Variants in MPV17L2 observed in about 807,000 individuals in gnomAD.
The protein encoded by MPV17L2 is mpv17-like protein 2.
A neutral mutation model predicts 24.2 loss-of-function variants in MPV17L2; 25 were observed. The observed-to-expected ratio is 1.03, with a 90% CI of 0.75 to 1.44. The LOEUF is 1.44. Among genes scored for constraint, MPV17L2 ranks in the 40% most tolerant of loss-of-function variants. The pLI, the probability that MPV17L2 is intolerant of heterozygous loss-of-function variation, is 0.00. For missense variants in MPV17L2, 271 were observed against 276.2 expected, an observed-to-expected ratio of 0.98 and a Z score of 0.13; for synonymous variants, 130 against 121.4, an observed-to-expected ratio of 1.07 and a Z score of -0.46.
Position 18,196,533 on chromosome 19 carries a change from C to G in MPV17L2, c.*478C>G, listed in dbSNP as rs1306405371. On this transcript the variant is annotated 3_prime_UTR_variant, in exon 5 of 5. Transcript: ENST00000599612. ...GCCAGGCAGCCTCTGTGTTTCTTTC[C>G]CTGGTCCTGAACTGTGGAAATGCCA... is the stretch of plus-strand genomic sequence containing the variant. 2 of 928,722 alleles carry G rather than the reference C, an allele frequency of 2.2e-6. No homozygotes were observed. The highest frequency in any genetic ancestry group is 5.3e-5 in the Admixed American group (2 of 37,542). The allele number at this position is 928,722 out of a possible 1,614,324, so 57.5% of individuals were successfully genotyped here.
In MPV17L2 at chr19:18,196,380, A is replaced by G. The variant is rs1227968381; in HGVS notation, c.*325A>G. On this transcript the variant is annotated 3_prime_UTR_variant, in exon 5 of 5. Coordinates refer to ENST00000599612, the MANE Select transcript of MPV17L2 (RefSeq NM_032683.3). Reference sequence around the variant, plus strand: ...CAAGCACCAGCCCCTCAACACTGCCATCCACCTGGCTCTGGGCCAAGCCAC... The same window carrying G: ...CAAGCACCAGCCCCTCAACACTGCCGTCCACCTGGCTCTGGGCCAAGCCAC... The G allele has an allele frequency of 3.0e-6, 4 of 1,334,046 alleles. No individual in the cohort carries two copies. The South Asian group carries it at 4.9e-5, about 16-fold the overall frequency. The allele number at this position is 1,334,046 out of a possible 1,614,324, so 82.6% of individuals were successfully genotyped here.
chr19:18,194,806 G>A lies in MPV17L2; in HGVS notation c.388G>A (p.Gly130Ser), dbSNP rs1967481513. The change falls in exon 3 of 5, where the codon GGT becomes AGT. Residue 130 changes from glycine (G) to serine (S), a missense_variant. Coordinates refer to ENST00000599612, the MANE Select transcript of MPV17L2 (RefSeq NM_032683.3). ...GLGCLEGQTV[G>S]ESCQELREKF... ...TGGCTGCCTGGAGGGTCAGACAGTG[G>A]GTGAGAGCTGCCAGGAGCTGCGGGA... The A allele has an allele frequency of 3.1e-6, 5 of 1,610,756 alleles. No individual in the cohort carries two copies. Among genetic ancestry groups the A allele is most frequent in the South Asian group, 1.1e-5 (1 of 90,504 alleles).
In MPV17L2 at chr19:18,193,482, G is replaced by C. The variant is rs1311625502; in HGVS notation, c.187+14G>C. Reference sequence around the variant, plus strand: ...CACGGCGCTCCGGTGAGGACGCCACGCTGCTTAGTCCTTCACCCCGGGCGA... The same window carrying C: ...CACGGCGCTCCGGTGAGGACGCCACCCTGCTTAGTCCTTCACCCCGGGCGA... On this transcript the variant is annotated intron_variant, in intron 1 of 4. Coordinates refer to ENST00000599612, the MANE Select transcript of MPV17L2 (RefSeq NM_032683.3). The C allele has an allele frequency of 2.7e-6, 4 of 1,498,192 alleles. No homozygotes were observed. The highest frequency in any genetic ancestry group is 2.8e-5 in the African/African-American group (2 of 70,202). 92.8% of individuals were successfully genotyped at this position (1,498,192 alleles called of 1,614,324 possible).
At position 18,196,451 on chromosome 19, in the gene MPV17L2, C is replaced by T. The variant is rs1301294088; in HGVS notation, c.*396C>T. 8.5e-6 allele frequency: 11 copies of T among 1,298,024 alleles called. No homozygotes were observed. The highest frequency in any genetic ancestry group is 1.1e-5 in the Non-Finnish European group (11 of 994,400). The allele number at this position is 1,298,024 out of a possible 1,614,324, so 80.4% of individuals were successfully genotyped here. On this transcript the variant is annotated 3_prime_UTR_variant, in exon 5 of 5. Coordinates refer to ENST00000599612, the MANE Select transcript of MPV17L2 (RefSeq NM_032683.3). ...TCCTGGGACTAAGGCGGGGACATGA[C>T]TGATCCCCTCAGAGCAGGCTCAGGC...
At position 18,196,531 on chromosome 19, in the gene MPV17L2, T is replaced by C. The variant is rs1967522801; in HGVS notation, c.*476T>C. 3 of 936,064 alleles carry C rather than the reference T, an allele frequency of 3.2e-6. No homozygotes were observed. Among genetic ancestry groups the C allele is most frequent in the Non-Finnish European group, 4.4e-6 (3 of 687,056 alleles). 58.0% of individuals were successfully genotyped at this position (936,064 alleles called of 1,614,324 possible). A position where few individuals can be genotyped will look rare whatever the true frequency, so the allele number is the denominator to read the frequency against. ...GGGCCAGGCAGCCTCTGTGTTTCTT[T>C]CCCTGGTCCTGAACTGTGGAAATGC... On this transcript the variant is annotated 3_prime_UTR_variant, in exon 5 of 5. Transcript: ENST00000599612.
At chr19:18,194,455 T>A (rs1967475136) in intron 2 of MPV17L2, among the ~76,000 whole-genome samples, 1 of 152,172 alleles carries the variant, frequency 6.6e-6, no homozygotes, top group Non-Finnish European at 1.5e-5. Context: ...AGTCTCTCAT[T>A]CTCCACCTCC....
chr19:18,195,762 G>C (rs554616253), intron 4 of MPV17L2, among the ~76,000 whole-genome samples: 1 of 151,586 alleles, frequency 6.6e-6, no homozygotes, highest in South Asian at 2.1e-4. Flanking sequence ...GCCTGAACCC[G>C]GGCAGCGAAG....
chr19:18,195,435 C>T (rs1967496508), intron 4 of MPV17L2, among the ~76,000 whole-genome samples: 1 of 152,008 alleles, frequency 6.6e-6, no homozygotes, highest in Admixed American at 6.6e-5. Flanking sequence ...ACTTGAGAGG[C>T]TGAGGCAGGA....
At chr19:18,195,274 C>T (rs1027548465) in intron 4 of MPV17L2, among the ~76,000 whole-genome samples, 188 bp downstream of exon 4, 1 of 152,114 alleles carries the variant, frequency 6.6e-6, no homozygotes, top group Non-Finnish European at 1.5e-5. Context: ...GGCTGAGCGC[C>T]GTGGCTCATG....
intron 2 of MPV17L2, among the ~76,000 whole-genome samples, chr19:18,194,558 C>T (rs1346002078): frequency 6.6e-6 from 1 of 152,260 alleles, no homozygotes; most frequent in East Asian, 1.9e-4. Flanking sequence ...TGTTTATAAC[C>T]TCTCTTTCTC....
At position 18,196,151 on chromosome 19, in the gene MPV17L2, G is replaced by C. The variant is rs761207984; in HGVS notation, c.*96G>C. The C allele has an allele frequency of 1.8e-5, 28 of 1,596,430 alleles. No individual in the cohort carries two copies. Among genetic ancestry groups the C allele is most frequent in the Non-Finnish European group, 2.4e-5 (28 of 1,173,822 alleles). On this transcript the variant is annotated 3_prime_UTR_variant, in exon 5 of 5. Transcript: ENST00000599612. Reference sequence around the variant, plus strand: ...GGCTCCTGCAGCAAGCTCGGGTCTTGAGCCACGTCCCAGCACCACTTCAGC... The same window carrying C: ...GGCTCCTGCAGCAAGCTCGGGTCTTCAGCCACGTCCCAGCACCACTTCAGC...
chr19:18,196,344 C>T lies in MPV17L2; in HGVS notation c.*289C>T. 1.4e-6 allele frequency: 2 copies of T among 1,387,276 alleles called. No homozygotes were observed. Among genetic ancestry groups the T allele is most frequent in the African/African-American group, 2.9e-5 (2 of 69,348 alleles). 85.9% of individuals were successfully genotyped at this position (1,387,276 alleles called of 1,614,324 possible). On this transcript the variant is annotated 3_prime_UTR_variant, in exon 5 of 5. Coordinates refer to ENST00000599612, the MANE Select transcript of MPV17L2 (RefSeq NM_032683.3). ...CATCCTCAGCACAGGGCCCACTCTG[C>T]CAACCAGTCTCAAGCACCAGCCCCT...
In MPV17L2 at chr19:18,193,895, T is replaced by G. The variant is rs1967466710; in HGVS notation, c.219T>G (p.Gly73=). ...TGTTTGCGGTGGGCTGCAGCATGGG[T>G]CCCTTCCTGCACTACTGGTACTTGT... ...ASMFAVGCSM[G]PFLHYWYLSL... Residue 73 remains glycine (G), a synonymous_variant, in exon 2 of 5, where the codon GGT becomes GGG. Transcript: ENST00000599612. 6.2e-7 allele frequency: 1 copy of G among 1,614,010 alleles called. No homozygotes were observed. Among genetic ancestry groups the G allele is most frequent in the Non-Finnish European group, 8.5e-7 (1 of 1,179,978 alleles).
chr19:18,194,671 T>G, intron 2 of MPV17L2, 106 bp from the exon 3 acceptor site: 1 of 969,440 alleles, frequency 1.0e-6, no homozygotes, highest in Non-Finnish European at 1.6e-6. Flanking sequence ...GTGGGCGGCG[T>G]GGGCTCTCAG....
At chr19:18,194,303 G>T in intron 2 of MPV17L2, 1 of 517,624 alleles carries the variant, frequency 1.9e-6, no homozygotes, top group Non-Finnish European at 3.5e-6. Flanking sequence ...ACTCAGTTGA[G>T]ACATGAAGAG....
chr19:18,196,537 G>A lies in MPV17L2; in HGVS notation c.*482G>A, dbSNP rs977242141. On this transcript the variant is annotated 3_prime_UTR_variant, in exon 5 of 5. Transcript: ENST00000599612. ...GGCAGCCTCTGTGTTTCTTTCCCTG[G>A]TCCTGAACTGTGGAAATGCCATTAA... 5 of 866,160 alleles carry A rather than the reference G, an allele frequency of 5.8e-6. No homozygotes were observed. Among genetic ancestry groups the A allele is most frequent in the Non-Finnish European group, 7.9e-6 (5 of 635,438 alleles). The allele number at this position is 866,160 out of a possible 1,614,324, so 53.7% of individuals were successfully genotyped here.
chr19:18,193,325 CG>C lies in MPV17L2; in HGVS notation c.48del (p.Gln17SerfsTer92). On this transcript the variant is annotated frameshift_variant, in exon 1 of 5. Coordinates refer to ENST00000599612, the MANE Select transcript of MPV17L2 (RefSeq NM_032683.3). LOFTEE classifies it high-confidence loss of function. ...CGCCGGCTACGCCGCCTGTTATCCG[CG>C]GGGCAGCTTCTATTCCAGGGCCGCG... ...GWRRLRRLLSAGQLLFQGRAL... is the reference protein window; with the variant it reads ...GWRRLRRLLSXGQLLFQGRAL... 6.4e-7 allele frequency: 1 copy of C among 1,556,694 alleles called. No homozygotes were observed. The highest frequency in any genetic ancestry group is 1.2e-5 in the South Asian group (1 of 84,918).
Position 18,193,991 on chromosome 19 carries a change from T to A in MPV17L2, c.315T>A (p.Asp105Glu), listed in dbSNP as rs1392556764. Residue 105 changes from aspartate to glutamate, a missense_variant, in exon 2 of 5, where the codon GAT (aspartate) becomes GAA (glutamate). Asp to Glu is a conservative substitution (Grantham distance 45). Coordinates refer to ENST00000599612, the MANE Select transcript of MPV17L2 (RefSeq NM_032683.3). The stretch of plus-strand genomic sequence containing the variant: ...ATGTCCTCAAGAAGGTCCTCGTGGA[T>A]CAGCTGGTAGCCTCTCCATTGCTGG... ...FPNVLKKVLV[D>E]QLVASPLLGV... 2 of 1,614,126 alleles carry A rather than the reference T, an allele frequency of 1.2e-6. No homozygotes were observed. Among genetic ancestry groups the A allele is most frequent in the African/African-American group, 2.7e-5 (2 of 74,940 alleles).
chr19:18,194,874 C>T, intron 3 of MPV17L2, 21 bp downstream of exon 3: 3 of 1,601,126 alleles, frequency 1.9e-6, no homozygotes, highest in Non-Finnish European at 2.6e-6. Flanking sequence ...CCGCCCCTTG[C>T]ACATGTCCGG....
Sources: gnomAD v4.1 joint callset for allele counts (sites outside exome capture counted in the v4.1 genomes callset) on GRCh38, gnomAD v4.1.1 for gene constraint, MANE v1.5 for transcripts, NCBI Gene and HGNC (gene_info 2026-07-23, HGNC 2026-07-21) for gene names.